FDXR: variants seen among roughly 807,000 people sequenced by gnomAD.
The protein encoded by FDXR is ferredoxin reductase.
Under a neutral mutation model 58.3 loss-of-function variants are expected in FDXR, and 38 were observed. The observed-to-expected ratio is 0.65, with a 90% CI of 0.50 to 0.85. FDXR has a LOEUF of 0.85. Ranked by LOEUF, FDXR falls within the 40% of genes least tolerant of loss-of-function variation. The pLI is 0.00. For missense variants in FDXR, 624 were observed against 671.0 expected (o/e 0.93, Z 0.77); for synonymous variants, 275 against 273.8 (o/e 1.00, Z -0.04).
intron 1 of FDXR, 129 bp from the exon 2 acceptor site, chr17:74,872,262 T>C (rs2038398765): frequency 1.9e-6 from 3 of 1,539,702 alleles, no homozygotes; most frequent in East Asian, 2.4e-5. Flanking sequence ...CCTTCTCTTG[T>C]TCCTCAAGGC....
chr17:74,863,331 G>T, intron 10 of FDXR, 85 bp from the exon 11 acceptor site: 1 of 1,333,896 alleles, frequency 7.5e-7, no homozygotes, highest in Non-Finnish European at 1.0e-6. Context: ...ACACCCACGT[G>T]CACGCACACA....
intron 10 of FDXR, among the ~76,000 whole-genome samples, chr17:74,863,605 G>T (rs1368758800): frequency 1.3e-5 from 2 of 152,202 alleles, no homozygotes; most frequent in African/African-American, 2.4e-5. Flanking sequence ...GAGGACACAG[G>T]CTGCCTTATT....
intron 6 of FDXR, among the ~76,000 whole-genome samples, chr17:74,865,291 G>A (rs1403189961): frequency 6.6e-6 from 1 of 152,090 alleles, no homozygotes; most frequent in African/African-American, 2.4e-5. Flanking sequence ...ACTCATCAAT[G>A]TGTGTAAAAT....
Position 74,864,036 on chromosome 17 carries a change from G to T in FDXR, c.1034C>A (p.Thr345Lys). Residue 345 changes from threonine to lysine, a missense_variant, in exon 10 of 12, where the codon ACG becomes AAG. Thr to Lys is a moderately conservative substitution (Grantham distance 78, BLOSUM62 -1). Transcript: ENST00000293195. ...ACAAGGGAGGTCTTCCATGTCTCCC[G>T]TGGGCACTGCACGGGTGGCCTCATC... Reference protein sequence around the residue: ...GVDEATRAVPTGDMEDLPCGL... With the variant: ...GVDEATRAVPKGDMEDLPCGL... 2 of 1,614,004 alleles carry T rather than the reference G, an allele frequency of 1.2e-6. No homozygotes were observed. Among genetic ancestry groups the T allele is most frequent in the Non-Finnish European group, 1.7e-6 (2 of 1,180,026 alleles).
intron 1 of FDXR, 96 bp downstream of exon 1, chr17:74,872,770 C>T: frequency 3.9e-6 from 6 of 1,536,806 alleles, no homozygotes; most frequent in Non-Finnish European, 5.2e-6. Flanking sequence ...CAGTCTCACC[C>T]TTCTCCAGCC....
At chr17:74,869,865 T>C (rs1049937966) in intron 2 of FDXR, 6 of 422,166 alleles carry the variant, frequency 1.4e-5, no homozygotes, top group Non-Finnish European at 3.0e-5. Context: ...TGGCCTCACA[T>C]GGAGCTGCCT....
intron 2 of FDXR, among the ~76,000 whole-genome samples, chr17:74,871,665 G>A (rs2038378741): frequency 6.6e-6 from 1 of 152,222 alleles, no homozygotes; most frequent in African/African-American, 2.4e-5. Context: ...GAGGAGGTGG[G>A]TAGCCTCGAG....
At chr17:74,872,565 C>G in intron 1 of FDXR, 1 of 640,768 alleles carries the variant, frequency 1.6e-6, no homozygotes, top group Non-Finnish European at 2.7e-6. Flanking sequence ...CCTGTTTCGA[C>G]TCAGACTTTC....
At position 74,872,563 on chromosome 17, in the gene FDXR, G is replaced by T. The variant is rs780987067; in HGVS notation, c.79+303C>A. On this transcript the variant is annotated intron_variant, in intron 1 of 11. Coordinates refer to ENST00000293195, the MANE Select transcript of FDXR (RefSeq NM_024417.5). ...TCTTATTCCTACAGATCCCTGTTTC[G>T]ACTCAGACTTTCCTCTCGCCCCACA... The T allele has an allele frequency of 5.4e-4, 339 of 631,710 alleles. 1 individual carries two copies. Among genetic ancestry groups the T allele is most frequent in the Non-Finnish European group, 6.8e-4 (249 of 368,870 alleles). The allele number at this position is 631,710 out of a possible 1,614,324, so 39.1% of individuals were successfully genotyped here.
At chr17:74,870,068 C>T in intron 2 of FDXR, 1 of 415,854 alleles carries the variant, frequency 2.4e-6, no homozygotes. Context: ...GCATGTGGTC[C>T]TGTCTTAGGA....
chr17:74,872,562 C>T, intron 1 of FDXR: 1 of 633,056 alleles, frequency 1.6e-6, no homozygotes, highest in South Asian at 2.0e-5. Flanking sequence ...ATCCCTGTTT[C>T]GACTCAGACT....
At chr17:74,871,857 G>A (rs3826316) in intron 2 of FDXR, among the ~76,000 whole-genome samples, 179 bp downstream of exon 2, 7,160 of 152,276 alleles carry the variant, frequency 0.047, 456 homozygotes, top group East Asian at 0.22. Flanking sequence ...CACTGAGGAC[G>A]GGAGGGGAGG....
intron 3 of FDXR, 55 bp from the exon 4 acceptor site, chr17:74,866,623 C>T (rs545101401): frequency 6.2e-7 from 1 of 1,610,222 alleles, no homozygotes; most frequent in South Asian, 1.1e-5. Context: ...CTCCAGGGAC[C>T]AAGTCTGCAC....
At chr17:74,872,673 C>T in intron 1 of FDXR, 193 bp downstream of exon 1, 1 of 1,284,226 alleles carries the variant, frequency 7.8e-7, no homozygotes. Context: ...ACCTCCGTCT[C>T]TAACCCTAGA....
At chr17:74,866,983 T>C in intron 2 of FDXR, 107 bp from the exon 3 acceptor site, 3 of 1,526,338 alleles carry the variant, frequency 2.0e-6, no homozygotes, top group Non-Finnish European at 2.6e-6. Flanking sequence ...GACCCTGGGC[T>C]GAGAACACAA....
At chr17:74,868,666 T>G (rs972353609) in intron 2 of FDXR, 1 of 1,534,854 alleles carries the variant, frequency 6.5e-7, no homozygotes, top group East Asian at 2.4e-5. Flanking sequence ...TTATCTCTCG[T>G]GGCTGACCTC....
At chr17:74,863,418 CCT>C (rs1330461867) in intron 10 of FDXR, among the ~76,000 whole-genome samples, 172 bp from the exon 11 acceptor site, 2 of 152,238 alleles carry the variant, frequency 1.3e-5, no homozygotes, top group Non-Finnish European at 2.9e-5. Flanking sequence ...TTCTTCTCTC[CCT>C]GTTTTTACCA....
In FDXR at chr17:74,864,227, A is replaced by G; in HGVS notation, c.923T>C (p.Phe308Ser). ...SASRAWGLRF[F>S]RSPQQVLPSP... The stretch of plus-strand genomic sequence containing the variant: ...GGGCAGCACCTGCTGGGGGCTTCGG[A>G]AAAAGCGGAGGCCCCAGGCACGGGA... Residue 308 changes from phenylalanine to serine, a missense_variant, in exon 9 of 12, where the codon TTC (phenylalanine) becomes TCC (serine). Phe to Ser is a radical substitution (Grantham distance 155). Transcript: ENST00000293195. 6.2e-7 allele frequency: 1 copy of G among 1,608,324 alleles called. No homozygotes were observed. The highest frequency in any genetic ancestry group is 8.5e-7 in the Non-Finnish European group (1 of 1,176,454).
intron 2 of FDXR, among the ~76,000 whole-genome samples, chr17:74,871,449 C>T (rs1383402378): frequency 6.6e-6 from 1 of 152,210 alleles, no homozygotes; most frequent in Non-Finnish European, 1.5e-5. Flanking sequence ...CTACTCTGTC[C>T]CAAAGTCTGA....
Sources: gnomAD v4.1 joint callset for allele counts (sites outside exome capture counted in the v4.1 genomes callset) on GRCh38, gnomAD v4.1.1 for gene constraint, MANE v1.5 for transcripts, NCBI Gene and HGNC (gene_info 2026-07-23, HGNC 2026-07-21) for gene names.